VPS39: variants seen among roughly 807,000 people sequenced by gnomAD.
VPS39 encodes VPS39 subunit of HOPS complex.
A neutral mutation model predicts 121.0 loss-of-function variants in VPS39; 70 were observed. The ratio of observed to expected loss-of-function variants is 0.58; its 90% CI spans 0.48 to 0.71. VPS39 has a LOEUF of 0.71. Among genes scored for constraint, VPS39 ranks in the 30% least tolerant of loss-of-function variants. The pLI, the probability that VPS39 is intolerant of heterozygous loss-of-function variation, is 0.00. For synonymous variants in VPS39, 378 were observed against 398.1 expected (o/e 0.95, Z 0.60); for missense variants, 818 against 1,051.5 (o/e 0.78, Z 3.07).
At chr15:42,191,199 A>T (rs1480752782) in intron 3 of VPS39, 32 bp from the exon 4 acceptor site, 1 of 1,612,536 alleles carries the variant, frequency 6.2e-7, no homozygotes, top group African/African-American at 1.3e-5. Flanking sequence ...GACCCAATTA[A>T]ACATTTCTGA....
chr15:42,187,391 GAAAT>G, intron 6 of VPS39, 28 bp from the exon 7 acceptor site: 1 of 1,563,150 alleles, frequency 6.4e-7, no homozygotes, highest in Non-Finnish European at 8.7e-7. Context: ...GGATCTGAAT[GAAAT>G]AAATATTTTT....
At chr15:42,201,845 C>T (rs2050075168) in intron 1 of VPS39, among the ~76,000 whole-genome samples, 1 of 152,166 alleles carries the variant, frequency 6.6e-6, no homozygotes, top group Admixed American at 6.5e-5. Flanking sequence ...TGATTCTTGA[C>T]CTCTGTAAAA....
rs187386119 is a variant in VPS39 at position 42,199,139 on chromosome 15, A to G, written c.139+757T>C. ...TGAAATTAACTGCAGATTTCTGTAGAGTGGCTCCAGGGCATAATACCTAAA... is the reference window on the plus strand; with the variant it reads ...TGAAATTAACTGCAGATTTCTGTAGGGTGGCTCCAGGGCATAATACCTAAA... On this transcript the variant is annotated intron_variant, in intron 2 of 24. Transcript: ENST00000318006. Among the ~76,000 whole-genome samples, 395 of 152,200 alleles carry G rather than the reference A, an allele frequency of 2.6e-3. 3 individuals carry two copies. The highest frequency in any genetic ancestry group is 8.8e-3 in the African/African-American group (366 of 41,534).
At chr15:42,199,269 T>C (rs556774123) in intron 2 of VPS39, among the ~76,000 whole-genome samples, 270 of 152,342 alleles carry the variant, frequency 1.8e-3, no homozygotes, top group Non-Finnish European at 3.5e-3. Flanking sequence ...ACATTTCAAA[T>C]ACTTTAGTTA....
intron 17 of VPS39, chr15:42,165,394 A>G (rs2049221773): frequency 3.8e-6 from 2 of 525,236 alleles, no homozygotes; most frequent in South Asian, 2.6e-5. Context: ...GTGGTTAAAT[A>G]TCTGCATCCT....
intron 2 of VPS39, among the ~76,000 whole-genome samples, chr15:42,196,388 T>C (rs1305952204): frequency 6.6e-6 from 1 of 152,140 alleles, no homozygotes; most frequent in African/African-American, 2.4e-5. Context: ...ACAGGCAACC[T>C]ACAGAATGGG....
At chr15:42,208,039 C>G (rs761890374) in intron 1 of VPS39, 42 bp downstream of exon 1, 11 of 1,552,270 alleles carry the variant, frequency 7.1e-6, no homozygotes, top group African/African-American at 2.7e-5. Flanking sequence ...CCGGACCGCT[C>G]CTGTGCTGAC....
In VPS39 at chr15:42,159,744, G is replaced by A. The variant is rs535320661; in HGVS notation, c.*1010C>T. The A allele has an allele frequency of 6.6e-6, 1 of 152,618 alleles. No individual in the cohort carries two copies. Among genetic ancestry groups the A allele is most frequent in the South Asian group, 2.1e-4 (1 of 4,830 alleles). The allele number at this position is 152,618 out of a possible 1,614,324, so 9.5% of individuals were successfully genotyped here. On this transcript the variant is annotated 3_prime_UTR_variant, in exon 25 of 25. Coordinates refer to ENST00000318006, the MANE Select transcript of VPS39 (RefSeq NM_015289.5). ...GAACAAAGCTGGGGAGTGACGGCCA[G>A]GGCAGGCTGTAAGGCAAGTGAATGG...
intron 11 of VPS39, among the ~76,000 whole-genome samples, chr15:42,172,622 T>A (rs1207317866): frequency 1.3e-5 from 2 of 152,180 alleles, no homozygotes; most frequent in East Asian, 3.9e-4. Context: ...GAAGTGGCAG[T>A]GGCAACGGCT....
chr15:42,180,380 T>C (rs2049557591), intron 8 of VPS39, among the ~76,000 whole-genome samples: 1 of 152,236 alleles, frequency 6.6e-6, no homozygotes, highest in Non-Finnish European at 1.5e-5. Flanking sequence ...CCTCTCTCTT[T>C]TGAAAATAAC....
intron 8 of VPS39, among the ~76,000 whole-genome samples, chr15:42,180,831 G>A (rs551402947): frequency 1.3e-5 from 2 of 152,090 alleles, no homozygotes; most frequent in Non-Finnish European, 1.5e-5. Context: ...CACCTCATAC[G>A]CCTTTAGGAT....
rs1367393966 is a variant in VPS39, at chr15:42,159,718, T to G, written c.*1036A>C. ...CACAACTCTCCAACCACACCATTGC[T>G]GAACAAAGCTGGGGAGTGACGGCCA... On this transcript the variant is annotated 3_prime_UTR_variant, in exon 25 of 25. Coordinates refer to ENST00000318006, the MANE Select transcript of VPS39 (RefSeq NM_015289.5). 1.3e-5 allele frequency: 2 copies of G among 152,308 alleles called. No individual in the cohort carries two copies. The highest frequency in any genetic ancestry group is 4.8e-5 in the African/African-American group (2 of 41,418). The allele number at this position is 152,308 out of a possible 1,614,324, so 9.4% of individuals were successfully genotyped here.
At chr15:42,164,213 A>T in intron 19 of VPS39, 145 bp downstream of exon 19, 1 of 1,245,360 alleles carries the variant, frequency 8.0e-7, no homozygotes, top group Non-Finnish European at 1.1e-6. Context: ...GAGTCTTCAG[A>T]GAGGACAAAA....
intron 7 of VPS39, among the ~76,000 whole-genome samples, chr15:42,186,241 A>G (rs530461587): frequency 3.3e-5 from 5 of 151,456 alleles, no homozygotes; most frequent in African/African-American, 1.2e-4. Context: ...AGACCAGCCT[A>G]TGCAACATAT....
intron 7 of VPS39, 87 bp from the exon 8 acceptor site, chr15:42,184,787 G>C: frequency 1.6e-6 from 2 of 1,278,760 alleles, no homozygotes; most frequent in Non-Finnish European, 2.2e-6. Context: ...CCGAAACCTA[G>C]AGAAGCCAAT....
chr15:42,208,159 C>T lies in VPS39; in HGVS notation c.-6G>A. On this transcript the variant is annotated 5_prime_UTR_variant, in exon 1 of 25. Coordinates refer to ENST00000318006, the MANE Select transcript of VPS39 (RefSeq NM_015289.5). Reference sequence around the variant, plus strand: ...GGCTCGAAAGCGTCGTGCATGGCGGCAAGGGGAGAGTTGCCACCGCCGTCT... The same window carrying T: ...GGCTCGAAAGCGTCGTGCATGGCGGTAAGGGGAGAGTTGCCACCGCCGTCT... The T allele has an allele frequency of 6.4e-7, 1 of 1,567,414 alleles. No individual in the cohort carries two copies. Among genetic ancestry groups the T allele is most frequent in the Non-Finnish European group, 8.6e-7 (1 of 1,156,154 alleles).
At chr15:42,169,585 C>T (rs375461511) in intron 12 of VPS39, 139 bp downstream of exon 12, 2 of 966,714 alleles carry the variant, frequency 2.1e-6, no homozygotes, top group Non-Finnish European at 2.8e-6. Flanking sequence ...CAGAAAGAAA[C>T]TTTACCCCAG....
chr15:42,190,772 C>T (rs573734932), intron 4 of VPS39, among the ~76,000 whole-genome samples: 15 of 152,294 alleles, frequency 9.8e-5, no homozygotes, highest in African/African-American at 3.4e-4. Flanking sequence ...CACATTGTAT[C>T]GTGATTACTT....
intron 13 of VPS39, 33 bp downstream of exon 13, chr15:42,167,361 G>C (rs1466230531): frequency 1.2e-6 from 2 of 1,611,808 alleles, no homozygotes; most frequent in Admixed American, 3.3e-5. Context: ...GGGTAACTGG[G>C]AATTGTGGCA....
Sources: gnomAD v4.1 joint callset for allele counts (sites outside exome capture counted in the v4.1 genomes callset) on GRCh38, gnomAD v4.1.1 for gene constraint, MANE v1.5 for transcripts, NCBI Gene and HGNC (gene_info 2026-07-23, HGNC 2026-07-21) for gene names.